Variants in SRP72 observed in about 807,000 individuals in gnomAD.
SRP72 encodes the protein signal recognition particle subunit SRP72.
Under a neutral mutation model 96.3 loss-of-function variants are expected in SRP72, and 49 were observed. That is an observed-to-expected ratio of 0.51 (90% CI 0.40 to 0.65). SRP72 has a LOEUF of 0.65. SRP72 is among the 30% of genes least tolerant of loss of function. SRP72 has a pLI of 0.00. For synonymous variants in SRP72, 267 were observed against 275.2 expected, an observed-to-expected ratio of 0.97 and a Z score of 0.30; for missense variants, 736 against 793.3, an observed-to-expected ratio of 0.93 and a Z score of 0.87.
At chr4:56,487,650 A>C (rs1042927480) in intron 11 of SRP72, among the ~76,000 whole-genome samples, 4 of 152,176 alleles carry the variant, frequency 2.6e-5, no homozygotes, top group African/African-American at 9.6e-5. Context: ...AAAAAGAAGA[A>C]ATAGAACTCA....
rs1720830308 is a variant in SRP72, at chr4:56,489,412, A to G, written c.1249A>G (p.Ser417Gly). ...GMVSALVTMY[S>G]HEEDIDSAIE... ...GGTATCTGCATTAGTTACCATGTAT[A>G]GCCATGAAGAAGATATTGATAGTGC... is the stretch of plus-strand genomic sequence containing the variant. Residue 417 changes from serine to glycine, a missense_variant, in exon 13 of 19, where the codon AGC becomes GGC. By Grantham distance (56) the Ser-to-Gly change is moderately conservative. Transcript: ENST00000642900. The G allele has an allele frequency of 1.9e-6, 3 of 1,599,886 alleles. No individual in the cohort carries two copies. The highest frequency in any genetic ancestry group is 2.2e-5 in the South Asian group (2 of 89,352).
chr4:56,471,467 G>A (rs1296023769), intron 2 of SRP72, among the ~76,000 whole-genome samples: 3 of 152,170 alleles, frequency 2.0e-5, no homozygotes, highest in African/African-American at 7.2e-5. Flanking sequence ...CTTCTTAAAT[G>A]TTTATTTCAA....
intron 11 of SRP72, among the ~76,000 whole-genome samples, 166 bp from the exon 12 acceptor site, chr4:56,487,783 T>G (rs1292511607): frequency 6.6e-6 from 1 of 152,162 alleles, no homozygotes; most frequent in East Asian, 1.9e-4. Flanking sequence ...ATGAACAGAG[T>G]TCACCATCCC....
chr4:56,467,839 G>A lies in SRP72; in HGVS notation c.109+95G>A, dbSNP rs575178037. 24 of 1,209,694 alleles carry A rather than the reference G, an allele frequency of 2.0e-5. No individual in the cohort carries two copies. In the East Asian group the frequency reaches 6.7e-4, roughly 34 times the overall value. The allele number at this position is 1,209,694 out of a possible 1,614,324, so 74.9% of individuals were successfully genotyped here. ...AGACCACCTCGCGCGGGAGGCACGG[G>A]AAGGGGAGACCCCCGAAACCCCCCC... On this transcript the variant is annotated intron_variant, in intron 1 of 18. Transcript: ENST00000642900.
At chr4:56,491,408 C>G in intron 15 of SRP72, 23 bp from the exon 16 acceptor site, 1 of 1,609,404 alleles carries the variant, frequency 6.2e-7, no homozygotes, top group Non-Finnish European at 8.5e-7. Flanking sequence ...ATATTATGTT[C>G]CTGAACTCCT....
intron 16 of SRP72, among the ~76,000 whole-genome samples, chr4:56,493,865 A>G (rs1417098214): frequency 1.3e-5 from 2 of 151,350 alleles, no homozygotes; most frequent in East Asian, 3.9e-4. Context: ...GACTCTGTCT[A>G]AAAAAAAGGA....
intron 3 of SRP72, among the ~76,000 whole-genome samples, chr4:56,473,846 T>C (rs1408194695): frequency 6.6e-6 from 1 of 152,158 alleles, no homozygotes; most frequent in South Asian, 2.1e-4. Context: ...TAGTGAAAAT[T>C]CATTTTAAAA....
chr4:56,471,570 A>G (rs1277924930), intron 2 of SRP72, 150 bp from the exon 3 acceptor site: 4 of 765,996 alleles, frequency 5.2e-6, no homozygotes, highest in Non-Finnish European at 5.9e-6. Context: ...TACATTTACA[A>G]GCTATCTGAT....
intron 17 of SRP72, among the ~76,000 whole-genome samples, chr4:56,498,772 G>A (rs1488440211): frequency 6.6e-6 from 1 of 151,958 alleles, no homozygotes; most frequent in Non-Finnish European, 1.5e-5. Context: ...AATGAGAGAG[G>A]ACACAAATGG....
chr4:56,470,677 G>C (rs1350212606), intron 2 of SRP72, among the ~76,000 whole-genome samples: 1 of 152,016 alleles, frequency 6.6e-6, no homozygotes, highest in Non-Finnish European at 1.5e-5. Context: ...AAAATTAATT[G>C]TAAACTTTAT....
In SRP72 at chr4:56,491,586, A is replaced by G. The variant is rs1237939971; in HGVS notation, c.1640+18A>G. 6 of 1,608,316 alleles carry G rather than the reference A, an allele frequency of 3.7e-6. No homozygotes were observed. The highest frequency in any genetic ancestry group is 5.1e-6 in the Non-Finnish European group (6 of 1,176,144). ...GAACAAGGGTAATATTTTTCATTGT[A>G]ACGTTCTCTAATGCTGATTTTAAAT... is the stretch of plus-strand genomic sequence containing the variant. On this transcript the variant is annotated intron_variant, in intron 16 of 18. Coordinates refer to ENST00000642900, the MANE Select transcript of SRP72 (RefSeq NM_006947.4).
At chr4:56,481,583 G>A (rs927424530) in intron 8 of SRP72, among the ~76,000 whole-genome samples, 1 of 151,090 alleles carries the variant, frequency 6.6e-6, no homozygotes, top group Non-Finnish European at 1.5e-5. Flanking sequence ...TGTTACATGA[G>A]TATTTTCTGC....
rs1719883682 is a variant in SRP72 at position 56,469,646 on chromosome 4, T to C, written c.110-7T>C. On this transcript the variant is annotated splice_region_variant and splice_polypyrimidine_tract_variant and intron_variant, in intron 1 of 18. Transcript: ENST00000642900. ...TAAAAATGACTTTTCCTAAAATTGT[T>C]CTCTAGTACTACAGATCAACAAAGA... 6.5e-7 allele frequency: 1 copy of C among 1,542,994 alleles called. No individual in the cohort carries two copies. The highest frequency in any genetic ancestry group is 1.2e-5 in the South Asian group (1 of 80,822).
intron 8 of SRP72, among the ~76,000 whole-genome samples, chr4:56,480,592 T>C (rs1720444132): frequency 6.6e-6 from 1 of 152,156 alleles, no homozygotes; most frequent in Non-Finnish European, 1.5e-5. Context: ...CATACATAAT[T>C]GTAGGGGAAG....
intron 8 of SRP72, among the ~76,000 whole-genome samples, chr4:56,480,903 A>ATAAC (rs1457117714): frequency 1.3e-5 from 2 of 152,236 alleles, no homozygotes; most frequent in Admixed American, 1.3e-4. Context: ...TTGAAGGTTA[A>ATAAC]GCAACAGCAC....
chr4:56,471,724 T>C lies in SRP72; in HGVS notation c.235T>C (p.Ser79Pro), dbSNP rs370356532. 1.2e-6 allele frequency: 2 copies of C among 1,612,314 alleles called. No homozygotes were observed. The highest frequency in any genetic ancestry group is 2.7e-5 in the African/African-American group (2 of 74,788). The change falls in exon 3 of 19, where the codon TCT (serine) becomes CCT (proline). Residue 79 changes from serine (S) to proline (P), a missense_variant. Ser to Pro is a moderately conservative substitution (Grantham distance 74, BLOSUM62 -1). This residue lies in a region of SRP72 where 329 missense variants were observed against 319.0 expected (regional missense o/e 1.03). Transcript: ENST00000642900. ...NTHTKVLANN[S>P]LSFEKAYCEY... The stretch of plus-strand genomic sequence containing the variant: ...TGTTTTTTTTTCCTTCTTCAGTAAC[T>C]CTCTCTCCTTTGAAAAGGCATATTG...
chr4:56,497,652 C>G (rs1436588601), intron 17 of SRP72, among the ~76,000 whole-genome samples: 1 of 151,762 alleles, frequency 6.6e-6, no homozygotes, highest in African/African-American at 2.4e-5. Flanking sequence ...CTTGCCCTAT[C>G]CATCTTTAAA....
chr4:56,477,299 C>CTTTTTTTTTTTTTTTTTTT (rs1720276211), intron 6 of SRP72: 3 of 97,276 alleles, frequency 3.1e-5, no homozygotes, highest in African/African-American at 1.2e-4. Flanking sequence ...CTCTCTCTCT[C>CTTTTTTTTTTTTTTTTTTT]TCTTTTTTTT....
At chr4:56,488,533 G>T (rs1362445432) in intron 12 of SRP72, among the ~76,000 whole-genome samples, 1 of 152,144 alleles carries the variant, frequency 6.6e-6, no homozygotes, top group Non-Finnish European at 1.5e-5. Flanking sequence ...CTCAGTAAAT[G>T]TAATATGGTA....
Sources: gnomAD v4.1 joint callset for allele counts (sites outside exome capture counted in the v4.1 genomes callset) on GRCh38, gnomAD v4.1.1 for gene constraint, gnomAD v4.1.1 regional missense constraint, MANE v1.5 for transcripts, NCBI Gene and HGNC (gene_info 2026-07-23, HGNC 2026-07-21) for gene names.